The following CNBD2 variants were observed in gnomAD, a reference collection of about 807,000 sequenced individuals.
CNBD2 encodes cyclic nucleotide binding domain containing 2, also known as cyclic nucleotide-binding domain-containing protein 2.
CNBD2 carries 64 observed loss-of-function variants against 63.7 expected under a neutral mutation model. The ratio of observed to expected loss-of-function variants is 1.00; its 90% confidence interval spans 0.82 to 1.24. CNBD2 has a LOEUF of 1.24. CNBD2 is among the 50% of genes most tolerant of loss of function. The probability of loss-of-function intolerance (pLI) is 0.00; values close to 1 mark genes in which losing one functional copy is unlikely to be tolerated. For missense variants in CNBD2, 691 were observed against 713.5 expected, an observed-to-expected ratio of 0.97 and a Z score of 0.36; for synonymous variants, 229 against 255.4, an observed-to-expected ratio of 0.90 and a Z score of 0.99.
intron 4 of CNBD2, among the ~76,000 whole-genome samples, 157 bp downstream of exon 4, chr20:35,980,779 C>T (rs562525250): frequency 9.9e-5 from 15 of 152,252 alleles, no homozygotes; most frequent in East Asian, 5.8e-4. Context: ...CTGCTATGGT[C>T]GCAGCACCCT....
rs2056512932 is a variant in CNBD2 at position 35,976,003 on chromosome 20, G to T, written c.243+1G>T. 2 of 1,608,836 alleles carry T rather than the reference G, an allele frequency of 1.2e-6. No individual in the cohort carries two copies. The highest frequency in any genetic ancestry group is 1.1e-5 in the South Asian group (1 of 90,786). On this transcript the variant is annotated splice_donor_variant, in intron 3 of 11. Transcript: ENST00000373973. LOFTEE classifies it high-confidence loss of function. ...TACCATGGACTTCATTGCAGAGGAGGTATGCATAGCTCGAAACTTGCTGTG... is the reference window on the plus strand; with the variant it reads ...TACCATGGACTTCATTGCAGAGGAGTTATGCATAGCTCGAAACTTGCTGTG...
chr20:35,983,981 G>C lies in CNBD2; in HGVS notation c.408-1G>C. ...ATCAACTAGCAGTGGTCTTTTCCCA[G>C]GTTTGGTCGCAGGCGTGTGATCATC... is the stretch of plus-strand genomic sequence containing the variant. On this transcript the variant is annotated splice_acceptor_variant, in intron 4 of 11. Coordinates refer to ENST00000373973, the MANE Select transcript of CNBD2 (RefSeq NM_001365709.1). LOFTEE classifies it high-confidence loss of function. 1 of 1,614,188 alleles carries C rather than the reference G, an allele frequency of 6.2e-7. No individual in the cohort carries two copies. Among genetic ancestry groups the C allele is most frequent in the Non-Finnish European group, 8.5e-7 (1 of 1,180,024 alleles).
At chr20:35,997,293 A>G (rs2056838298) in intron 8 of CNBD2, among the ~76,000 whole-genome samples, 1 of 152,166 alleles carries the variant, frequency 6.6e-6, no homozygotes, top group Admixed American at 6.5e-5. Flanking sequence ...CTCCTCCCCA[A>G]GGATTGCCTT....
chr20:36,000,794 C>T (rs558807974), intron 8 of CNBD2, among the ~76,000 whole-genome samples: 5 of 114,050 alleles, frequency 4.4e-5, no homozygotes, highest in South Asian at 2.9e-4. Flanking sequence ...GGGTGTTTCT[C>T]GCAGAGGGGG....
intron 10 of CNBD2, among the ~76,000 whole-genome samples, chr20:36,014,131 TGAG>T (rs1404677859): frequency 7.3e-6 from 1 of 136,438 alleles, no homozygotes; most frequent in Non-Finnish European, 1.5e-5. Context: ...TGCAGTGAGC[TGAG>T]ATTGTGCCAC....
chr20:36,011,333 A>T lies in CNBD2; in HGVS notation c.1269+76A>T, dbSNP rs906739406. 5.8e-6 allele frequency: 8 copies of T among 1,375,386 alleles called. No homozygotes were observed. The African/African-American group carries it at 1.0e-4, about 18-fold the overall frequency. 85.2% of individuals were successfully genotyped at this position (1,375,386 alleles called of 1,614,324 possible). A position where few individuals can be genotyped will look rare whatever the true frequency, so the allele number is the denominator to read the frequency against. On this transcript the variant is annotated intron_variant, in intron 10 of 11. Coordinates refer to ENST00000373973, the MANE Select transcript of CNBD2 (RefSeq NM_001365709.1). ...CTGGAATGTTAAGTAATGACAGTAA[A>T]GGTTTAAAAACACTTCCCTCCATAT...
chr20:36,022,808 T>G (rs2057234956), intron 10 of CNBD2, among the ~76,000 whole-genome samples: 1 of 151,714 alleles, frequency 6.6e-6, no homozygotes, highest in African/African-American at 2.4e-5. Flanking sequence ...TGTGTAGATA[T>G]GTGGTTTCAC....
chr20:35,987,095 T>C (rs769208134), intron 6 of CNBD2, among the ~76,000 whole-genome samples: 4 of 151,862 alleles, frequency 2.6e-5, no homozygotes, highest in Non-Finnish European at 5.9e-5. Flanking sequence ...GAGGAGAAGA[T>C]TCTTGGAAGG....
upstream of CNBD2, among the ~76,000 whole-genome samples, chr20:35,968,263 C>T (rs2056364220): frequency 6.6e-6 from 1 of 152,004 alleles, no homozygotes; most frequent in African/African-American, 2.4e-5. Context: ...TGGTCATTGC[C>T]AAGACATTTG....
intron 8 of CNBD2, among the ~76,000 whole-genome samples, chr20:36,001,615 G>C (rs1381498575): frequency 6.6e-6 from 1 of 150,964 alleles, no homozygotes; most frequent in Admixed American, 6.6e-5. Flanking sequence ...CGGCTGCCAG[G>C]CGGAGGGGCT....
intron 8 of CNBD2, among the ~76,000 whole-genome samples, chr20:35,997,773 T>G (rs2056844534): frequency 6.6e-6 from 1 of 152,254 alleles, no homozygotes; most frequent in African/African-American, 2.4e-5. Flanking sequence ...AGATGATGTA[T>G]GCATGAGGCC....
At chr20:35,956,911 A>C (rs1600997525), downstream of CNBD2, among the ~76,000 whole-genome samples, 1 of 152,212 alleles carries the variant, frequency 6.6e-6, no homozygotes, top group African/African-American at 2.4e-5. Context: ...ACTGCAGGCT[A>C]TATGGGAAAG....
intron 10 of CNBD2, among the ~76,000 whole-genome samples, chr20:36,016,018 A>C (rs2147347058): frequency 6.6e-6 from 1 of 152,342 alleles, no homozygotes; most frequent in South Asian, 2.1e-4. Context: ...TCAACAGTAA[A>C]ACATCATGTT....
At chr20:36,022,195 C>CTTTTTTTTTTTT (rs753206662) in intron 10 of CNBD2, among the ~76,000 whole-genome samples, 110 of 56,280 alleles carry the variant, frequency 2.0e-3, no homozygotes, top group Non-Finnish European at 2.9e-3. Flanking sequence ...TTTTTTTTTT[C>CTTTTTTTTTTTT]TTTTTTTTTT....
At chr20:35,955,404 A>C (rs1000623838), downstream of CNBD2, 1 of 152,206 alleles carries the variant, frequency 6.6e-6, no homozygotes, top group African/African-American at 2.4e-5. Flanking sequence ...GCTTCTAAAA[A>C]CATTTAAATT....
At chr20:35,978,560 A>G (rs939959181) in intron 3 of CNBD2, among the ~76,000 whole-genome samples, 31 of 152,166 alleles carry the variant, frequency 2.0e-4, no homozygotes, top group African/African-American at 3.6e-4. Context: ...TAGCCAGGGT[A>G]GTCTTGATCT....
chr20:35,964,617 G>C (rs1156571473), upstream of CNBD2, among the ~76,000 whole-genome samples: 1 of 149,672 alleles, frequency 6.7e-6, no homozygotes, highest in Non-Finnish European at 1.5e-5. Context: ...GGATGGTCTC[G>C]ATCTCCTGAC....
intron 10 of CNBD2, among the ~76,000 whole-genome samples, chr20:36,022,217 T>TTTTG (rs561441076): frequency 2.1e-4 from 23 of 107,162 alleles, no homozygotes; most frequent in African/African-American, 9.4e-4. Flanking sequence ...TTTTTTTTTT[T>TTTTG]GAGATGGAGT....
chr20:36,019,453 G>A lies in CNBD2; in HGVS notation c.1270-4149G>A, dbSNP rs188330501. On this transcript the variant is annotated intron_variant, in intron 10 of 11. Transcript: ENST00000373973. Reference sequence around the variant, plus strand: ...CAGGAGGATCCCTTGAGCCCAGGAGGCTGAGATTGTAGTGAGCTGAAATCA... The same window carrying A: ...CAGGAGGATCCCTTGAGCCCAGGAGACTGAGATTGTAGTGAGCTGAAATCA... Among the ~76,000 whole-genome samples the A allele has an allele frequency of 4.2e-3, 622 of 149,678 alleles. 5 individuals carry two copies. The highest frequency in any genetic ancestry group is 7.8e-3 in the South Asian group (37 of 4,728).
Sources: allele counts gnomAD v4.1 joint callset (sites outside exome capture counted in the v4.1 genomes callset), GRCh38; gene constraint gnomAD v4.1.1; transcripts MANE v1.5; gene names NCBI Gene and HGNC (gene_info 2026-07-23, HGNC 2026-07-21).